PPTC7: variants seen among roughly 807,000 people sequenced by gnomAD.
PPTC7 encodes the protein protein phosphatase targeting COQ7.
In PPTC7, 6 loss-of-function variants were observed where a neutral mutation model predicts 30.8. That is an observed-to-expected ratio of 0.19 (90% CI 0.11 to 0.38). The LOEUF (loss-of-function observed/expected upper bound fraction) is 0.38. Ranked by LOEUF, PPTC7 falls within the 10% of genes least tolerant of loss-of-function variation. PPTC7 has a pLI of 1.00. For synonymous variants in PPTC7, 163 were observed against 168.1 expected (o/e 0.97, Z 0.23); for missense variants, 218 against 404.8 (o/e 0.54, Z 3.96).
In PPTC7 at chr12:110,550,283, T is replaced by C. The variant is rs972913110; in HGVS notation, c.403+1506A>G. 2.9e-5 allele frequency among the ~76,000 whole-genome samples: 4 copies of C among 138,520 alleles called. No homozygotes were observed. In the Admixed American group the frequency reaches 3.2e-4, roughly 11 times the overall value. 90.9% of individuals were successfully genotyped at this position (138,520 alleles called of 152,430 possible). On this transcript the variant is annotated intron_variant, in intron 2 of 5. Transcript: ENST00000354300. ...TCTTGCTCTGTCGCCCACGCTGGAGTGCAGTGGCGCGATTTTGGCTCACTG... is the reference window on the plus strand; with the variant it reads ...TCTTGCTCTGTCGCCCACGCTGGAGCGCAGTGGCGCGATTTTGGCTCACTG...
Position 110,534,069 on chromosome 12 carries a change from C to G in PPTC7, c.*2968G>C, listed in dbSNP as rs1207264981. 1 of 152,014 alleles carries G rather than the reference C, an allele frequency of 6.6e-6. No individual in the cohort carries two copies. The highest frequency in any genetic ancestry group is 1.5e-5 in the Non-Finnish European group (1 of 68,016). The allele number at this position is 152,014 out of a possible 1,614,324, so 9.4% of individuals were successfully genotyped here. ...ACAAATAACTTGTTCCCCCTGCATCCCATTTCTTTTAGTTTTTAGAGCCTA... is the reference window on the plus strand; with the variant it reads ...ACAAATAACTTGTTCCCCCTGCATCGCATTTCTTTTAGTTTTTAGAGCCTA... On this transcript the variant is annotated 3_prime_UTR_variant, in exon 6 of 6. Coordinates refer to ENST00000354300, the MANE Select transcript of PPTC7 (RefSeq NM_139283.2).
intron 3 of PPTC7, among the ~76,000 whole-genome samples, chr12:110,541,494 G>C (rs945608405): frequency 6.6e-6 from 1 of 151,590 alleles, no homozygotes; most frequent in African/African-American, 2.4e-5. Flanking sequence ...GATCACCTGA[G>C]GTCAGGAGTT....
At chr12:110,559,957 G>T (rs1283624421) in intron 1 of PPTC7, among the ~76,000 whole-genome samples, 1 of 152,022 alleles carries the variant, frequency 6.6e-6, no homozygotes, top group Non-Finnish European at 1.5e-5. Flanking sequence ...TGAACTCCTA[G>T]GCTGAAGTGA....
Position 110,534,597 on chromosome 12 carries a change from C to T in PPTC7, c.*2440G>A, listed in dbSNP as rs985481964. 2 of 151,908 alleles carry T rather than the reference C, an allele frequency of 1.3e-5. No individual in the cohort carries two copies. Among genetic ancestry groups the T allele is most frequent in the Non-Finnish European group, 2.9e-5 (2 of 67,984 alleles). The allele number at this position is 151,908 out of a possible 1,614,324, so 9.4% of individuals were successfully genotyped here. On this transcript the variant is annotated 3_prime_UTR_variant, in exon 6 of 6. Coordinates refer to ENST00000354300, the MANE Select transcript of PPTC7 (RefSeq NM_139283.2). ...GTTAAGCAGCACTCCAGCTGACCCCCCCGGCAGTCATAAAATTAAGTGCAT... is the reference window on the plus strand; with the variant it reads ...GTTAAGCAGCACTCCAGCTGACCCCTCCGGCAGTCATAAAATTAAGTGCAT...
intron 5 of PPTC7, among the ~76,000 whole-genome samples, chr12:110,537,357 C>A (rs2064226642): frequency 2.6e-5 from 4 of 151,964 alleles, no homozygotes; most frequent in African/African-American, 9.7e-5. Context: ...AAACAGCCAC[C>A]ACACCCTCTG....
At chr12:110,571,935 C>T (rs150386427) in intron 1 of PPTC7, among the ~76,000 whole-genome samples, 258 of 152,278 alleles carry the variant, frequency 1.7e-3, no homozygotes, top group African/African-American at 5.8e-3. Context: ...AGTGGTCAAC[C>T]TAGAGGCCAT....
chr12:110,549,696 T>G (rs902262980), intron 2 of PPTC7, among the ~76,000 whole-genome samples: 1 of 152,068 alleles, frequency 6.6e-6, no homozygotes, highest in Non-Finnish European at 1.5e-5. Context: ...AAAGGGAAAG[T>G]AGGAATAGGA....
intron 1 of PPTC7, among the ~76,000 whole-genome samples, chr12:110,559,731 A>G (rs1444676685): frequency 3.3e-4 from 44 of 131,754 alleles, no homozygotes; most frequent in South Asian, 4.9e-4. Context: ...GCCTCAGGGG[A>G]AAAAAAAAAA....
In PPTC7 at chr12:110,582,839, C is replaced by G. The variant is rs1299402636; in HGVS notation, c.193G>C (p.Val65Leu). 2 of 1,563,088 alleles carry G rather than the reference C, an allele frequency of 1.3e-6. No homozygotes were observed. The highest frequency in any genetic ancestry group is 1.9e-5 in the Admixed American group (1 of 53,288). The change falls in exon 1 of 6, where the codon GTG becomes CTG. Residue 65 changes from valine to leucine, a missense_variant. Coordinates refer to ENST00000354300, the MANE Select transcript of PPTC7 (RefSeq NM_139283.2). ...GACYGDDACFVARHRSADVLG... is the reference protein window; with the variant it reads ...GACYGDDACFLARHRSADVLG... ...ACGTCCGCGGAACGGTGCCGGGCCACGAAGCACGCGTCGTCCCCGTAGCAC... is the reference window on the plus strand; with the variant it reads ...ACGTCCGCGGAACGGTGCCGGGCCAGGAAGCACGCGTCGTCCCCGTAGCAC...
chr12:110,578,195 C>T (rs1029678950), intron 1 of PPTC7, among the ~76,000 whole-genome samples: 2 of 152,168 alleles, frequency 1.3e-5, no homozygotes, highest in African/African-American at 4.8e-5. Context: ...TTACAATTCT[C>T]AACAGTCTTT....
At chr12:110,581,930 G>A (rs2064640620) in intron 1 of PPTC7, among the ~76,000 whole-genome samples, 1 of 152,138 alleles carries the variant, frequency 6.6e-6, no homozygotes, top group Non-Finnish European at 1.5e-5. Flanking sequence ...GAGTTTTAAC[G>A]GCACAATATC....
chr12:110,570,340 G>A (rs1452705970), intron 1 of PPTC7, among the ~76,000 whole-genome samples: 3 of 84,906 alleles, frequency 3.5e-5, no homozygotes, highest in East Asian at 3.5e-4. Context: ...GCGGAAGGCC[G>A]CAGGGACCTC....
At chr12:110,563,250 A>G (rs2064453953) in intron 1 of PPTC7, among the ~76,000 whole-genome samples, 1 of 152,174 alleles carries the variant, frequency 6.6e-6, no homozygotes, top group African/African-American at 2.4e-5. Flanking sequence ...CAAGATCTCT[A>G]AGCAGAAGTT....
At chr12:110,543,174 TAACA>T (rs977387073) in intron 3 of PPTC7, among the ~76,000 whole-genome samples, 17 of 152,242 alleles carry the variant, frequency 1.1e-4, no homozygotes, top group Middle Eastern at 6.8e-3. Flanking sequence ...GCATAAAAAC[TAACA>T]AACAAAAGCA....
rs141034698 is a variant in PPTC7, at chr12:110,543,861, G to A, written c.602+2019C>T. Among the ~76,000 whole-genome samples the A allele has an allele frequency of 1.9e-3, 293 of 152,270 alleles. 9 individuals are homozygous for A. In the East Asian group the frequency reaches 0.051, roughly 27 times the overall value. On this transcript the variant is annotated intron_variant, in intron 3 of 5. Coordinates refer to ENST00000354300, the MANE Select transcript of PPTC7 (RefSeq NM_139283.2). ...GCCACCTCCACCTCGCTGGCATGCC[G>A]GCAGAGTACTGCCCCAACCTGTCTG...
intron 3 of PPTC7, among the ~76,000 whole-genome samples, chr12:110,542,238 T>G (rs1255774630): frequency 6.6e-6 from 1 of 152,028 alleles, no homozygotes; most frequent in East Asian, 1.9e-4. Context: ...GAAAAAACTC[T>G]TCAATATACT....
chr12:110,540,324 T>TCC, intron 3 of PPTC7, among the ~76,000 whole-genome samples: 1 of 139,038 alleles, frequency 7.2e-6, no homozygotes, highest in African/African-American at 2.7e-5. Context: ...CCCCCGCCTT[T>TCC]TTTTTTTTTT....
rs143430050 is a variant in PPTC7, at chr12:110,566,830, C to T, written c.224-14862G>A. ...ACCATTCAATATTCCATTAAACATT[C>T]AATAGTAACATTTTCAAGTACTAAT... On this transcript the variant is annotated intron_variant, in intron 1 of 5. Coordinates refer to ENST00000354300, the MANE Select transcript of PPTC7 (RefSeq NM_139283.2). Among the ~76,000 whole-genome samples the T allele has an allele frequency of 5.6e-3, 848 of 152,242 alleles. 4 individuals carry two copies. The highest frequency in any genetic ancestry group is 8.7e-3 in the Non-Finnish European group (595 of 68,018).
chr12:110,537,041 T>A lies in PPTC7; in HGVS notation c.911A>T (p.Asp304Val). 6.2e-7 allele frequency: 1 copy of A among 1,612,476 alleles called. No individual in the cohort carries two copies. The highest frequency in any genetic ancestry group is 8.5e-7 in the Non-Finnish European group (1 of 1,178,548). The part of the protein sequence containing the change: ...VLLSIVAEYT[D>V] ...AGGCAGGACTTGACACCTCAGCTAG[T>A]CTGTATACTCAGCCACTATTGAAAG... Residue 304 changes from aspartate (D) to valine (V), a missense_variant, in exon 6 of 6, where the codon GAC becomes GTC. Physicochemically the swap from Asp to Val is radical, Grantham distance 152. Transcript: ENST00000354300.
Sources: gnomAD v4.1 joint callset for allele counts (sites outside exome capture counted in the v4.1 genomes callset) on GRCh38, gnomAD v4.1.1 for gene constraint, MANE v1.5 for transcripts, NCBI Gene and HGNC (gene_info 2026-07-23, HGNC 2026-07-21) for gene names.